THSD7A: variants seen among roughly 807,000 people sequenced by gnomAD.
THSD7A encodes the protein thrombospondin type 1 domain containing 7A, also known as thrombospondin type-1 domain-containing protein 7A.
In THSD7A, 96 loss-of-function variants were observed where a neutral mutation model predicts 231.3. The observed-to-expected ratio is 0.41, with a 90% confidence interval of 0.35 to 0.49. The LOEUF is 0.49. Ranked by LOEUF, THSD7A falls within the 20% of genes least tolerant of loss-of-function variation. THSD7A has a pLI of 0.05. For synonymous variants in THSD7A, 940 were observed against 743.3 expected (o/e 1.26, Z -4.30); for missense variants, 2,290 against 2,070.2 (o/e 1.11, Z -2.06).
At chr7:11,541,327 T>C (rs1184098867) in intron 6 of THSD7A, 92 bp downstream of exon 6, 15 of 1,203,316 alleles carry the variant, frequency 1.2e-5, no homozygotes, top group South Asian at 2.6e-5. Context: ...GAATCAGTTA[T>C]AATGCGAGAA....
intron 16 of THSD7A, among the ~76,000 whole-genome samples, chr7:11,421,307 G>T (rs1248206129): frequency 2.0e-5 from 3 of 152,116 alleles, no homozygotes; most frequent in Non-Finnish European, 4.4e-5. Context: ...GTTCTCATGA[G>T]ATCTGGTTGT....
chr7:11,654,178 C>A (rs1462841615), intron 1 of THSD7A, among the ~76,000 whole-genome samples: 2 of 151,782 alleles, frequency 1.3e-5, no homozygotes, highest in East Asian at 3.9e-4. Flanking sequence ...TATACACTTC[C>A]AAGTTTCTTA....
chr7:11,825,732 G>C (rs1029892337), intron 1 of THSD7A, among the ~76,000 whole-genome samples: 3 of 152,148 alleles, frequency 2.0e-5, no homozygotes, highest in Non-Finnish European at 2.9e-5. Flanking sequence ...GATTCAGGGA[G>C]ATAAAATAAC....
intron 17 of THSD7A, 63 bp from the exon 18 acceptor site, chr7:11,412,863 G>C (rs1283557302): frequency 1.3e-6 from 2 of 1,550,790 alleles, no homozygotes; most frequent in Non-Finnish European, 1.8e-6. Context: ...TGGTATATTA[G>C]AGACAGCACT....
At chr7:11,382,247 T>C (rs1399362543) in intron 24 of THSD7A, among the ~76,000 whole-genome samples, 1 of 152,156 alleles carries the variant, frequency 6.6e-6, no homozygotes, top group Non-Finnish European at 1.5e-5. Context: ...CTGAAAATTA[T>C]TTATAACAAT....
rs7796277 is a variant in THSD7A, at chr7:11,760,865, C to A, written c.190+70892G>T. 7.8e-3 allele frequency among the ~76,000 whole-genome samples: 1,183 copies of A among 150,912 alleles called. 11 individuals carry two copies. The highest frequency in any genetic ancestry group is 0.027 in the African/African-American group (1,097 of 41,282). On this transcript the variant is annotated intron_variant, in intron 1 of 27. Coordinates refer to ENST00000423059, the MANE Select transcript of THSD7A (RefSeq NM_015204.3). ...TGCTTTTAAGAACATTTTAAAAATCCATTATCATACCACAGGGCATAATAA... is the reference window on the plus strand; with the variant it reads ...TGCTTTTAAGAACATTTTAAAAATCAATTATCATACCACAGGGCATAATAA...
intron 23 of THSD7A, among the ~76,000 whole-genome samples, chr7:11,392,491 T>G (rs1315946751): frequency 6.6e-6 from 1 of 152,102 alleles, no homozygotes; most frequent in Non-Finnish European, 1.5e-5. Context: ...CAAGAGTTTT[T>G]TTTTCATACC....
chr7:11,467,310 C>T (rs564186763), intron 9 of THSD7A, among the ~76,000 whole-genome samples: 85 of 150,014 alleles, frequency 5.7e-4, no homozygotes, highest in African/African-American at 1.8e-3. Context: ...TTCCTTAGAG[C>T]TCTTTGTGTT....
chr7:11,372,838 TTG>T lies in THSD7A; in HGVS notation c.*2954_*2955del, dbSNP rs912358684. 3.3e-5 allele frequency: 5 copies of T among 152,108 alleles called. No individual in the cohort carries two copies. Among genetic ancestry groups the T allele is most frequent in the African/African-American group, 1.2e-4 (5 of 41,458 alleles). 9.4% of individuals were successfully genotyped at this position (152,108 alleles called of 1,614,324 possible). ...TTCCAATAAAATATTTAACTCATTATTGTCTCATGTCAGAAACAAAAATAAGG... is the reference window on the plus strand; with the variant it reads ...TTCCAATAAAATATTTAACTCATTATTCTCATGTCAGAAACAAAAATAAGG... On this transcript the variant is annotated 3_prime_UTR_variant, in exon 28 of 28. Coordinates refer to ENST00000423059, the MANE Select transcript of THSD7A (RefSeq NM_015204.3).
Position 11,462,118 on chromosome 7 carries a change from A to C in THSD7A, c.2394T>G (p.Ser798=). 6.2e-7 allele frequency: 1 copy of C among 1,613,738 alleles called. No homozygotes were observed. The highest frequency in any genetic ancestry group is 1.3e-5 in the African/African-American group (1 of 75,046). The part of the protein sequence containing the change: ...KEGDSSIRKQ[S]RHRVIIQLPA... The stretch of plus-strand genomic sequence containing the variant: ...GCAGCTGAATGATGACCCGATGCCT[A>C]GACTGCTTCCTGATACTGGAGTCCC... Residue 798 remains serine, a synonymous_variant, in exon 10 of 28, where the codon TCT becomes TCG. Coordinates refer to ENST00000423059, the MANE Select transcript of THSD7A (RefSeq NM_015204.3).
chr7:11,732,884 A>G (rs1002085314), intron 1 of THSD7A, among the ~76,000 whole-genome samples: 30 of 151,954 alleles, frequency 2.0e-4, no homozygotes, highest in African/African-American at 7.0e-4. Flanking sequence ...TGCAATTTCA[A>G]AGAAATATGT....
At chr7:11,774,852 C>T (rs1219192932) in intron 1 of THSD7A, among the ~76,000 whole-genome samples, 8 of 152,094 alleles carry the variant, frequency 5.3e-5, no homozygotes, top group African/African-American at 1.9e-4. Flanking sequence ...GACGGGAGTT[C>T]GAGACCAGCC....
chr7:11,449,459 C>G (rs549518774), intron 11 of THSD7A, among the ~76,000 whole-genome samples: 2 of 151,974 alleles, frequency 1.3e-5, no homozygotes, highest in South Asian at 4.2e-4. Context: ...AGGAAGGGTT[C>G]TGGCAAACAC....
At chr7:11,728,575 A>G (rs1034043432) in intron 1 of THSD7A, among the ~76,000 whole-genome samples, 4 of 151,950 alleles carry the variant, frequency 2.6e-5, no homozygotes, top group South Asian at 2.1e-4. Flanking sequence ...GACAATGACA[A>G]TCTAGCCATA....
At chr7:11,552,265 C>A (rs1178221979) in intron 4 of THSD7A, among the ~76,000 whole-genome samples, 1 of 151,938 alleles carries the variant, frequency 6.6e-6, no homozygotes, top group African/African-American at 2.4e-5. Flanking sequence ...CCCCATGACT[C>A]CCCATTTACC....
intron 2 of THSD7A, among the ~76,000 whole-genome samples, chr7:11,619,236 A>G (rs139145411): frequency 2.8e-4 from 43 of 152,214 alleles, no homozygotes; most frequent in Admixed American, 7.2e-4. Flanking sequence ...TTGTATATCA[A>G]TGACTACAAG....
chr7:11,747,691 T>A (rs1401900056), intron 1 of THSD7A, among the ~76,000 whole-genome samples: 2 of 151,924 alleles, frequency 1.3e-5, no homozygotes, highest in African/African-American at 4.8e-5. Flanking sequence ...AAATTGACAG[T>A]GCATATGTGC....
chr7:11,692,994 TTTTG>T (rs531274089), intron 1 of THSD7A, among the ~76,000 whole-genome samples: 54 of 151,616 alleles, frequency 3.6e-4, no homozygotes, highest in Admixed American at 9.9e-4. Context: ...TATAAGGTTT[TTTTG>T]TTTGTTTGTT....
intron 1 of THSD7A, among the ~76,000 whole-genome samples, chr7:11,746,450 C>A (rs181119544): frequency 5.9e-5 from 9 of 151,918 alleles, no homozygotes; most frequent in Admixed American, 5.9e-4. Flanking sequence ...TGTCATATTT[C>A]TTTAGGATAA....
Sources: allele counts gnomAD v4.1 joint callset (sites outside exome capture counted in the v4.1 genomes callset), GRCh38; gene constraint gnomAD v4.1.1; transcripts MANE v1.5; gene names NCBI Gene and HGNC (gene_info 2026-07-23, HGNC 2026-07-21).